Variants in SLC25A48 observed in about 807,000 individuals in gnomAD.
SLC25A48 encodes the protein CTC-321K16.1.
Under a neutral mutation model 32.2 loss-of-function variants are expected in SLC25A48, and 29 were observed. The observed-to-expected ratio is 0.90, with a 90% CI of 0.67 to 1.23. The LOEUF is 1.23. SLC25A48 is among the 50% of genes most tolerant of loss of function. The pLI, the probability that SLC25A48 is intolerant of heterozygous loss-of-function variation, is 0.00. For missense variants in SLC25A48, 399 were observed against 422.7 expected (o/e 0.94, Z 0.49); for synonymous variants, 164 against 172.3 (o/e 0.95, Z 0.38).
At chr5:135,684,079 C>T (rs1753962199) in intron 3 of SLC25A48, among the ~76,000 whole-genome samples, 1 of 152,100 alleles carries the variant, frequency 6.6e-6, no homozygotes. Flanking sequence ...GGCATTGTTA[C>T]TATTTAAATG....
intron 7 of SLC25A48, 154 bp downstream of exon 7, chr5:135,880,251 C>A: frequency 5.3e-6 from 6 of 1,137,198 alleles, no homozygotes; most frequent in Non-Finnish European, 7.2e-6. Flanking sequence ...TTTTCGTCAC[C>A]AAACAGCAGT....
At chr5:135,664,524 T>C (rs1561781172) in intron 3 of SLC25A48, among the ~76,000 whole-genome samples, 1 of 152,188 alleles carries the variant, frequency 6.6e-6, no homozygotes, top group Non-Finnish European at 1.5e-5. Context: ...CAGATTTTGG[T>C]GCACCCTTCA....
intron 3 of SLC25A48, among the ~76,000 whole-genome samples, chr5:135,760,769 T>G (rs185167258): frequency 6.6e-6 from 1 of 152,302 alleles, no homozygotes; most frequent in East Asian, 1.9e-4. Flanking sequence ...AGAATTAATC[T>G]CAAATTTCTG....
intron 1 of SLC25A48, among the ~76,000 whole-genome samples, chr5:135,621,931 T>C (rs925552402): frequency 6.6e-6 from 1 of 152,086 alleles, no homozygotes; most frequent in Non-Finnish European, 1.5e-5. Context: ...CAGAAGACAA[T>C]ATAAAGGAAT....
chr5:135,624,043 G>A (rs1257867642), intron 1 of SLC25A48, among the ~76,000 whole-genome samples: 8 of 152,300 alleles, frequency 5.3e-5, no homozygotes, highest in Non-Finnish European at 1.0e-4. Flanking sequence ...TGGAAATCAC[G>A]GGTGGGAGCG....
intron 3 of SLC25A48, among the ~76,000 whole-genome samples, chr5:135,716,062 G>A (rs1226401918): frequency 6.6e-6 from 1 of 152,170 alleles, no homozygotes; most frequent in African/African-American, 2.4e-5. Flanking sequence ...AGGCTTTGTG[G>A]TACCTGCAGC....
chr5:135,818,054 C>CTCTCTCTCT (rs1757773517), intron 4 of SLC25A48, among the ~76,000 whole-genome samples: 13 of 80,646 alleles, frequency 1.6e-4, no homozygotes, highest in African/African-American at 6.2e-4. Flanking sequence ...TCTCTCTGTT[C>CTCTCTCTCT]CTCTCTCTCT....
At chr5:135,853,700 G>A (rs566133808) in intron 4 of SLC25A48, among the ~76,000 whole-genome samples, 13 of 152,282 alleles carry the variant, frequency 8.5e-5, no homozygotes, top group South Asian at 2.1e-4. Context: ...GAAATTATCT[G>A]TGAGGGTTGG....
At chr5:135,650,444 CAGTG>C in intron 3 of SLC25A48, 1 of 456,022 alleles carries the variant, frequency 2.2e-6, no homozygotes, top group South Asian at 1.5e-5. Context: ...CCTCCAGACA[CAGTG>C]AGTTCCCAGG....
At chr5:135,665,231 A>G (rs1753492207) in intron 3 of SLC25A48, among the ~76,000 whole-genome samples, 1 of 152,184 alleles carries the variant, frequency 6.6e-6, no homozygotes, top group Middle Eastern at 3.4e-3. Flanking sequence ...TCTTTTGAGA[A>G]ATGTCTGTTC....
In SLC25A48 at chr5:135,850,482, T is replaced by A. The variant is rs773718243; in HGVS notation, c.148T>A (p.Tyr50Asn). Residue 50 changes from tyrosine (Y) to asparagine (N), a missense_variant, in exon 3 of 8, where the codon TAC (tyrosine) becomes AAC (asparagine). Coordinates refer to ENST00000681962, the MANE Select transcript of SLC25A48 (RefSeq NM_001349336.2). ...GNTLSCIRVV[Y>N]RRESMFGFFK... ...CACCCTCAGCTGCATCCGCGTGGTGTACAGGAGGGAGAGTGTAAGTGCCCC... is the reference window on the plus strand; with the variant it reads ...CACCCTCAGCTGCATCCGCGTGGTGAACAGGAGGGAGAGTGTAAGTGCCCC... 1 of 1,614,058 alleles carries A rather than the reference T, an allele frequency of 6.2e-7. No homozygotes were observed. The highest frequency in any genetic ancestry group is 8.5e-7 in the Non-Finnish European group (1 of 1,180,014).
intron 2 of SLC25A48, among the ~76,000 whole-genome samples, chr5:135,848,271 T>A (rs1759572594): frequency 6.6e-6 from 1 of 152,038 alleles, no homozygotes; most frequent in Non-Finnish European, 1.5e-5. Flanking sequence ...TTGCAGGGGG[T>A]GGGTGGCAGT....
At position 135,818,060 on chromosome 5, in the gene SLC25A48, T is replaced by TCC. The variant is rs1757775881; in HGVS notation, c.-117+5135_-117+5136insCC. On this transcript the variant is annotated intron_variant, in intron 4 of 10. Transcript: ENST00000646290. Reference sequence around the variant, plus strand: ...CAGGTTTGTTCTCTCTGTTCCTCTCTCTCTCTCTCTCTCTCTCTCTCTCTC... The same window carrying TCC: ...CAGGTTTGTTCTCTCTGTTCCTCTCTCCCTCTCTCTCTCTCTCTCTCTCTCTC... Among the ~76,000 whole-genome samples the TCC allele has an allele frequency of 5.4e-4, 5 of 9,182 alleles. 1 individual carries two copies. The South Asian group carries it at 0.033, about 60-fold the overall frequency. 6.0% of individuals were successfully genotyped at this position (9,182 alleles called of 152,430 possible).
At chr5:135,651,550 A>C (rs562187610) in intron 3 of SLC25A48, among the ~76,000 whole-genome samples, 1 of 152,152 alleles carries the variant, frequency 6.6e-6, no homozygotes, top group Non-Finnish European at 1.5e-5. Context: ...TCCCAGCCCT[A>C]GTGGGAGGAA....
At chr5:135,765,964 T>TC (rs956007634) in intron 3 of SLC25A48, among the ~76,000 whole-genome samples, 5 of 150,830 alleles carry the variant, frequency 3.3e-5, no homozygotes, top group East Asian at 2.0e-4. Context: ...ATTGCATACA[T>TC]CCCCCCGTGA....
intron 4 of SLC25A48, among the ~76,000 whole-genome samples, chr5:135,813,892 C>T (rs1757649589): frequency 6.6e-6 from 1 of 152,118 alleles, no homozygotes; most frequent in South Asian, 2.1e-4. Context: ...CTGCACCAAC[C>T]CCCAAGCCGG....
At chr5:135,865,144 G>A (rs1761089496) in intron 4 of SLC25A48, among the ~76,000 whole-genome samples, 1 of 152,274 alleles carries the variant, frequency 6.6e-6, no homozygotes. Context: ...CACAGATCAT[G>A]AGGAAACTAA....
chr5:135,876,128 C>CTTTTTTTTTTTTTTTTTTTTTT (rs1402681382), intron 6 of SLC25A48: 1 of 47,862 alleles, frequency 2.1e-5, no homozygotes, highest in African/African-American at 7.8e-5. Flanking sequence ...TTTTTTTCTT[C>CTTTTTTTTTTTTTTTTTTTTTT]TTCTTTTTTT....
At chr5:135,736,527 A>G (rs1012375097) in intron 3 of SLC25A48, among the ~76,000 whole-genome samples, 3 of 151,970 alleles carry the variant, frequency 2.0e-5, no homozygotes, top group African/African-American at 7.3e-5. Flanking sequence ...GAGAGAGTGG[A>G]GACATGGAGA....
Sources: gnomAD v4.1 joint callset for allele counts (sites outside exome capture counted in the v4.1 genomes callset) on GRCh38, gnomAD v4.1.1 for gene constraint, MANE v1.5 for transcripts, NCBI Gene and HGNC (gene_info 2026-07-23, HGNC 2026-07-21) for gene names.